The following DIAPH2 variants were observed in gnomAD, a reference collection of about 807,000 sequenced individuals.
DIAPH2 encodes the protein diaphanous related formin 2.
Under a neutral mutation model 92.7 loss-of-function variants are expected in DIAPH2, and 35 were observed. The ratio of observed to expected loss-of-function variants is 0.38; its 90% CI spans 0.29 to 0.50. The LOEUF (loss-of-function observed/expected upper bound fraction) is 0.50, where lower values mean the gene tolerates loss of function less well. Among genes scored for constraint, DIAPH2 ranks in the 20% least tolerant of loss-of-function variants. DIAPH2 has a pLI of 0.94. For synonymous variants in DIAPH2, 301 were observed against 280.4 expected, an observed-to-expected ratio of 1.07 and a Z score of -0.73; for missense variants, 701 against 819.5, an observed-to-expected ratio of 0.86 and a Z score of 1.77.
intron 17 of DIAPH2, among the ~76,000 whole-genome samples, chrX:97,034,051 A>T (rs900564975): frequency 5.0e-5 from 5 of 100,915 alleles, no homozygotes; most frequent in Non-Finnish European, 1.0e-4. Flanking sequence ...TTCTGAAATC[A>T]TTTTTTTTTG....
chrX:97,175,604 A>G (rs141529099), intron 22 of DIAPH2, among the ~76,000 whole-genome samples: 1 of 111,982 alleles, frequency 8.9e-6, no homozygotes, highest in African/African-American at 3.2e-5. Context: ...TGTAACATTA[A>G]TGCCAGCCTG....
chrX:97,237,792 A>G (rs1379589838), intron 22 of DIAPH2, among the ~76,000 whole-genome samples: 1 of 110,647 alleles, frequency 9.0e-6, no homozygotes, highest in Non-Finnish European at 1.9e-5. Context: ...CTTGTTAGCC[A>G]GGATGGTCTC....
chrX:97,455,315 C>T (rs2070394577), intron 26 of DIAPH2, among the ~76,000 whole-genome samples: 1 of 112,004 alleles, frequency 8.9e-6, no homozygotes, highest in African/African-American at 3.2e-5. Flanking sequence ...TTTGTTGAGG[C>T]ATTATTCTCA....
In DIAPH2 at chrX:97,248,986, C is replaced by T. The variant is rs375178788; in HGVS notation, c.2844+1147C>T. ...TGTGATTGATTGGAGGCAGGGAATC[C>T]ACAAAAATAACCTTGGGTTGCATTA... On this transcript the variant is annotated intron_variant, in intron 23 of 26. Transcript: ENST00000324765. 4.5e-5 allele frequency among the ~76,000 whole-genome samples: 5 copies of T among 110,496 alleles called. No individual in the cohort carries two copies. In the Admixed American group the frequency reaches 4.8e-4, roughly 11 times the overall value.
At chrX:97,060,252 A>T (rs141134720) in intron 17 of DIAPH2, among the ~76,000 whole-genome samples, 2 of 112,313 alleles carry the variant, frequency 1.8e-5, no homozygotes, top group African/African-American at 6.5e-5. Flanking sequence ...CCTAATGGCG[A>T]GCACAGCAGG....
At chrX:97,301,150 CAAAAAAAAAA>C (rs1220185711) in intron 23 of DIAPH2, among the ~76,000 whole-genome samples, 3 of 32,280 alleles carry the variant, frequency 9.3e-5, no homozygotes, top group East Asian at 1.8e-3. Context: ...GACTCCGTCT[CAAAAAAAAAA>C]AAAAAAAAAA....
intron 24 of DIAPH2, among the ~76,000 whole-genome samples, chrX:97,368,895 C>G (rs979127469): frequency 1.8e-3 from 70 of 39,708 alleles, no homozygotes; most frequent in African/African-American, 5.1e-3. Context: ...AGAGTCTACC[C>G]TTTCTTTTTT....
intron 4 of DIAPH2, among the ~76,000 whole-genome samples, chrX:96,762,832 G>T (rs1014735267): frequency 2.7e-5 from 3 of 110,506 alleles, no homozygotes; most frequent in African/African-American, 9.8e-5. Flanking sequence ...GCCCATTATA[G>T]TACATTAAAA....
At chrX:97,187,281 C>CT (rs763781923) in intron 22 of DIAPH2, among the ~76,000 whole-genome samples, 739 of 36,841 alleles carry the variant, frequency 0.02, 91 homozygotes, top group African/African-American at 0.074. Flanking sequence ...ATTAAGTAGC[C>CT]TTTTTTTTTT....
intron 23 of DIAPH2, among the ~76,000 whole-genome samples, chrX:97,283,547 C>T (rs997895772): frequency 2.7e-5 from 3 of 112,248 alleles, no homozygotes; most frequent in Non-Finnish European, 3.8e-5. Flanking sequence ...TAGACATGAG[C>T]GTGTTAGGAC....
intron 22 of DIAPH2, among the ~76,000 whole-genome samples, chrX:97,234,336 AAAAAAAAAAAAAG>A (rs1298613986): frequency 5.0e-4 from 53 of 106,061 alleles, no homozygotes; most frequent in Admixed American, 3.1e-4. Context: ...CATCTCAAAA[AAAAAAAAAAAAAG>A]AAAAAAAGAA....
chrX:96,889,916 A>G (rs1255418167), intron 5 of DIAPH2, among the ~76,000 whole-genome samples: 2 of 112,280 alleles, frequency 1.8e-5, no homozygotes, highest in Non-Finnish European at 3.8e-5. Flanking sequence ...AGCATGCTGG[A>G]AGCAGATAAT....
chrX:97,021,973 A>G (rs2066301447), intron 17 of DIAPH2, among the ~76,000 whole-genome samples: 1 of 112,229 alleles, frequency 8.9e-6, no homozygotes, highest in African/African-American at 3.2e-5. Context: ...AACAGTTGTT[A>G]TAATGGAAGC....
chrX:97,450,981 C>CA (rs1293001741), intron 26 of DIAPH2, among the ~76,000 whole-genome samples: 2 of 108,391 alleles, frequency 1.8e-5, no homozygotes, highest in East Asian at 5.8e-4. Flanking sequence ...CCAAACCACC[C>CA]AAAAAAGAGC....
At chrX:97,169,851 G>A (rs2067438779) in intron 22 of DIAPH2, among the ~76,000 whole-genome samples, 1 of 111,253 alleles carries the variant, frequency 9.0e-6, no homozygotes, top group Admixed American at 9.6e-5. Context: ...CTGAGTGACA[G>A]AATGAGACTC....
At chrX:97,236,807 G>C (rs941841455) in intron 22 of DIAPH2, among the ~76,000 whole-genome samples, 1 of 111,247 alleles carries the variant, frequency 9.0e-6, no homozygotes, top group Non-Finnish European at 1.9e-5. Flanking sequence ...GCCTCCCAAA[G>C]TGCTGGGATT....
intron 22 of DIAPH2, among the ~76,000 whole-genome samples, chrX:97,213,054 T>G (rs948421820): frequency 8.9e-6 from 1 of 111,857 alleles, no homozygotes; most frequent in Non-Finnish European, 1.9e-5. Context: ...CTTAGAATTG[T>G]TTTTAAAATG....
At chrX:97,598,058 T>C (rs776296508) in intron 26 of DIAPH2, among the ~76,000 whole-genome samples, 1 of 111,212 alleles carries the variant, frequency 9.0e-6, no homozygotes, top group Non-Finnish European at 1.9e-5. Flanking sequence ...AGTCAAGAGA[T>C]GCTAGCACAG....
At chrX:96,913,453 G>T (rs1386566035) in intron 7 of DIAPH2, among the ~76,000 whole-genome samples, 4 of 111,824 alleles carry the variant, frequency 3.6e-5, no homozygotes, top group Non-Finnish European at 3.8e-5. Context: ...ATACTTACAT[G>T]AAAGTTATAC....
Sources: gnomAD v4.1 joint callset for allele counts (sites outside exome capture counted in the v4.1 genomes callset) on GRCh38, gnomAD v4.1.1 for gene constraint, MANE v1.5 for transcripts, NCBI Gene and HGNC (gene_info 2026-07-23, HGNC 2026-07-21) for gene names.